The following RAPGEF2 variants were observed in gnomAD, a reference collection of about 807,000 sequenced individuals.
RAPGEF2 encodes the protein PDZ domain containing guanine nucleotide exchange factor (GEF) 1.
Under a neutral mutation model 186.7 loss-of-function variants are expected in RAPGEF2, and 54 were observed. The observed-to-expected ratio is 0.29, with a 90% CI of 0.23 to 0.36. The LOEUF is 0.36. Among genes scored for constraint, RAPGEF2 ranks in the 10% least tolerant of loss-of-function variants. The probability of loss-of-function intolerance (pLI) is 1.00; values close to 1 mark genes in which losing one functional copy is unlikely to be tolerated. For missense variants in RAPGEF2, 1,532 were observed against 2,045.0 expected (o/e 0.75, Z 4.84); for synonymous variants, 712 against 705.9 (o/e 1.01, Z -0.14).
intron 7 of RAPGEF2, among the ~76,000 whole-genome samples, chr4:159,252,759 T>C (rs4691549): frequency 0.27 from 40,360 of 152,146 alleles, 6,213 homozygotes; most frequent in African/African-American, 0.42. Flanking sequence ...CCGATTGTTT[T>C]CTAGTTGCAG....
At position 159,292,835 on chromosome 4, in the gene RAPGEF2, G is replaced by T. The variant is rs186518326; in HGVS notation, c.544-11507G>T. 3.0e-3 allele frequency among the ~76,000 whole-genome samples: 459 copies of T among 152,232 alleles called. 1 individual carries two copies. Among genetic ancestry groups the T allele is most frequent in the African/African-American group, 0.011 (445 of 41,532 alleles). On this transcript the variant is annotated intron_variant, in intron 7 of 29. Transcript: ENST00000691494. The stretch of plus-strand genomic sequence containing the variant: ...AGAATATTTGTGTCTTGATATTTGA[G>T]TAGATATTAGTGCTCTCCAAATTAG...
intron 1 of RAPGEF2, among the ~76,000 whole-genome samples, chr4:159,149,310 G>GC (rs1454580981): frequency 1.3e-5 from 2 of 152,108 alleles, no homozygotes; most frequent in African/African-American, 4.8e-5. Context: ...GCCCAGGCTG[G>GC]AGTGCAGTGG....
At chr4:159,316,178 CT>C (rs1764579777) in intron 9 of RAPGEF2, among the ~76,000 whole-genome samples, 1 of 152,200 alleles carries the variant, frequency 6.6e-6, no homozygotes, top group Non-Finnish European at 1.5e-5. Context: ...CTTCTGGTCA[CT>C]CCTCACTATG....
At chr4:159,269,567 A>G (rs1289540396) in intron 7 of RAPGEF2, among the ~76,000 whole-genome samples, 1 of 152,218 alleles carries the variant, frequency 6.6e-6, no homozygotes, top group African/African-American at 2.4e-5. Context: ...TAAAAGTAAG[A>G]GTGTTAGTTC....
chr4:159,111,367 C>G (rs1163841909), intron 1 of RAPGEF2, among the ~76,000 whole-genome samples: 1 of 152,180 alleles, frequency 6.6e-6, no homozygotes, highest in African/African-American at 2.4e-5. Context: ...TTGCCTTCCA[C>G]AGGTTGAAAA....
Position 159,338,563 on chromosome 4 carries a change from G to A in RAPGEF2, c.2293+95G>A, listed in dbSNP as rs981612972. 8.0e-6 allele frequency: 10 copies of A among 1,245,616 alleles called. No individual in the cohort carries two copies. The African/African-American group carries it at 1.1e-4, about 13-fold the overall frequency. 77.2% of individuals were successfully genotyped at this position (1,245,616 alleles called of 1,614,324 possible). A position where few individuals can be genotyped will look rare whatever the true frequency, so the allele number is the denominator to read the frequency against. On this transcript the variant is annotated intron_variant, in intron 18 of 29. Transcript: ENST00000691494. Reference sequence around the variant, plus strand: ...ATATGTATCTCTCTTCATTTGGCATGGATTATATCAGATGCTGAGTAAGGA... The same window carrying A: ...ATATGTATCTCTCTTCATTTGGCATAGATTATATCAGATGCTGAGTAAGGA...
intron 4 of RAPGEF2, among the ~76,000 whole-genome samples, chr4:159,237,227 C>T (rs1464420863): frequency 6.6e-6 from 1 of 151,916 alleles, no homozygotes; most frequent in Non-Finnish European, 1.5e-5. Context: ...CACCATGTTG[C>T]CCAAGCTGGT....
chr4:159,253,764 C>G (rs1023225791), intron 7 of RAPGEF2, among the ~76,000 whole-genome samples: 2 of 151,864 alleles, frequency 1.3e-5, no homozygotes, highest in Non-Finnish European at 2.9e-5. Context: ...GTCAGGAGAT[C>G]GAGACCATCC....
At position 159,250,307 on chromosome 4, in the gene RAPGEF2, T is replaced by C. The variant is rs114677889; in HGVS notation, c.543+6516T>C. ...TAACCAAATACCACCTGTACCCCAATAACTTATGGAAAAATAAAAATAATA... is the reference window on the plus strand; with the variant it reads ...TAACCAAATACCACCTGTACCCCAACAACTTATGGAAAAATAAAAATAATA... On this transcript the variant is annotated intron_variant, in intron 7 of 29. Coordinates refer to ENST00000691494, the MANE Select transcript of RAPGEF2 (RefSeq NM_001394067.2). Among the ~76,000 whole-genome samples, 922 of 152,182 alleles carry C rather than the reference T, an allele frequency of 6.1e-3. 3 individuals carry two copies. Among genetic ancestry groups the C allele is most frequent in the Middle Eastern group, 0.014 (4 of 294 alleles).
At chr4:159,195,551 A>T (rs182904597) in intron 3 of RAPGEF2, among the ~76,000 whole-genome samples, 2 of 152,308 alleles carry the variant, frequency 1.3e-5, no homozygotes, top group African/African-American at 4.8e-5. Flanking sequence ...CAGCTGGACA[A>T]ACTGAAGCTT....
intron 3 of RAPGEF2, among the ~76,000 whole-genome samples, chr4:159,193,991 C>A (rs1287210093): frequency 6.6e-6 from 1 of 152,000 alleles, no homozygotes; most frequent in Admixed American, 6.6e-5. Flanking sequence ...ACAAGGAAAA[C>A]AACAACAACA....
intron 1 of RAPGEF2, among the ~76,000 whole-genome samples, chr4:159,118,277 T>C (rs1739271035): frequency 1.3e-5 from 2 of 152,238 alleles, no homozygotes; most frequent in Non-Finnish European, 2.9e-5. Flanking sequence ...GAACTGCATA[T>C]GCAAGGGATC....
At chr4:159,219,639 G>A (rs1751340450) in intron 4 of RAPGEF2, among the ~76,000 whole-genome samples, 1 of 152,156 alleles carries the variant, frequency 6.6e-6, no homozygotes, top group African/African-American at 2.4e-5. Flanking sequence ...ACAGGCGTGA[G>A]CCACCACGCG....
chr4:159,163,929 G>GAC (rs1744990704), intron 1 of RAPGEF2, among the ~76,000 whole-genome samples: 1 of 152,118 alleles, frequency 6.6e-6, no homozygotes, highest in South Asian at 2.1e-4. Flanking sequence ...ACATATCAGG[G>GAC]CTACTTGTGA....
intron 1 of RAPGEF2, among the ~76,000 whole-genome samples, chr4:159,135,117 C>T (rs1327354810): frequency 6.6e-6 from 1 of 152,170 alleles, no homozygotes; most frequent in Non-Finnish European, 1.5e-5. Flanking sequence ...GATTATGGCT[C>T]ACTGCAGCCT....
intron 7 of RAPGEF2, among the ~76,000 whole-genome samples, chr4:159,264,214 G>C (rs1162081926): frequency 6.6e-6 from 1 of 152,142 alleles, no homozygotes; most frequent in African/African-American, 2.4e-5. Flanking sequence ...CGAAATTTCT[G>C]TATTACAATT....
At chr4:159,208,137 C>G (rs1750157984) in intron 3 of RAPGEF2, among the ~76,000 whole-genome samples, 1 of 150,696 alleles carries the variant, frequency 6.6e-6, no homozygotes, top group African/African-American at 2.5e-5. Context: ...GAAGAATGGA[C>G]TTGGGGGGAA....
intron 3 of RAPGEF2, among the ~76,000 whole-genome samples, chr4:159,198,550 A>T (rs1749061873): frequency 6.6e-6 from 1 of 151,634 alleles, no homozygotes; most frequent in South Asian, 2.1e-4. Context: ...GGTTTAAGCC[A>T]TTCTCGTGCC....
intron 7 of RAPGEF2, among the ~76,000 whole-genome samples, chr4:159,255,020 T>G (rs1341351714): frequency 6.6e-6 from 1 of 152,202 alleles, no homozygotes; most frequent in Non-Finnish European, 1.5e-5. Context: ...TTTTCCGTGT[T>G]TAGGTATGTT....
Sources: gnomAD v4.1 joint callset for allele counts (sites outside exome capture counted in the v4.1 genomes callset) on GRCh38, gnomAD v4.1.1 for gene constraint, MANE v1.5 for transcripts, NCBI Gene and HGNC (gene_info 2026-07-23, HGNC 2026-07-21) for gene names.